Variants in CDH10 observed in about 807,000 individuals in gnomAD.
CDH10 encodes cadherin 10, also known as cadherin-10.
A neutral mutation model predicts 73.1 loss-of-function variants in CDH10; 30 were observed. That is an observed-to-expected ratio of 0.41 (90% CI 0.31 to 0.56). CDH10 has a LOEUF of 0.56. Ranked by LOEUF, CDH10 falls within the 20% of genes least tolerant of loss-of-function variation. CDH10 has a pLI of 0.27. For missense variants in CDH10, 815 were observed against 973.7 expected, an observed-to-expected ratio of 0.84 and a Z score of 2.17; for synonymous variants, 345 against 348.2, an observed-to-expected ratio of 0.99 and a Z score of 0.10.
chr5:24,527,294 T>A (rs11956328), intron 5 of CDH10, among the ~76,000 whole-genome samples: 50,959 of 147,242 alleles, frequency 0.35, 10,795 homozygotes, highest in Non-Finnish European at 0.48. Context: ...TAGTCTTATA[T>A]ATATTTATAT....
intron 2 of CDH10, among the ~76,000 whole-genome samples, chr5:24,553,149 T>C (rs1055919718): frequency 2.0e-5 from 3 of 152,200 alleles, no homozygotes; most frequent in African/African-American, 4.8e-5. Context: ...TTCTTCTTAA[T>C]ATTGCTATCA....
At chr5:24,579,655 GA>G (rs1745723440) in intron 2 of CDH10, among the ~76,000 whole-genome samples, 1 of 152,114 alleles carries the variant, frequency 6.6e-6, no homozygotes, top group Non-Finnish European at 1.5e-5. Context: ...AGCAGCTTTT[GA>G]CAAGGTTGAC....
chr5:24,550,789 TC>T (rs767677282), intron 2 of CDH10, among the ~76,000 whole-genome samples: 1 of 152,178 alleles, frequency 6.6e-6, no homozygotes. Context: ...ACTGAGTTTT[TC>T]TCCAACTTTA....
intron 5 of CDH10, among the ~76,000 whole-genome samples, chr5:24,528,412 C>G (rs1208344210): frequency 2.0e-5 from 3 of 151,906 alleles, no homozygotes; most frequent in African/African-American, 7.2e-5. Context: ...GAGGTTGACT[C>G]TATTTACAAA....
chr5:24,503,644 C>T (rs1175199194), intron 8 of CDH10, among the ~76,000 whole-genome samples: 1 of 152,136 alleles, frequency 6.6e-6, no homozygotes, highest in African/African-American at 2.4e-5. Context: ...TGTAAATTAG[C>T]TATGGAATTA....
At chr5:24,617,927 T>C (rs1176814648) in intron 1 of CDH10, among the ~76,000 whole-genome samples, 1 of 152,184 alleles carries the variant, frequency 6.6e-6, no homozygotes, top group Non-Finnish European at 1.5e-5. Context: ...TAAGGAATCT[T>C]AGCAATCAGT....
At chr5:24,555,824 C>A (rs561215403) in intron 2 of CDH10, among the ~76,000 whole-genome samples, 1 of 152,136 alleles carries the variant, frequency 6.6e-6, no homozygotes, top group East Asian at 1.9e-4. Context: ...TGTCTTCTAG[C>A]AAGGTTAACA....
At chr5:24,608,202 C>T (rs1746824555) in intron 1 of CDH10, among the ~76,000 whole-genome samples, 1 of 152,140 alleles carries the variant, frequency 6.6e-6, no homozygotes, top group Admixed American at 6.5e-5. Flanking sequence ...TTTCTGTTGG[C>T]AAATCGAGTC....
chr5:24,587,063 C>G (rs1300089400), intron 2 of CDH10, among the ~76,000 whole-genome samples: 1 of 151,694 alleles, frequency 6.6e-6, no homozygotes, highest in East Asian at 2.0e-4. Context: ...CCAGAATGGT[C>G]TCGATCTCCT....
chr5:24,535,888 C>A, intron 3 of CDH10, 66 bp from the exon 4 acceptor site: 1 of 1,229,522 alleles, frequency 8.1e-7, no homozygotes. Flanking sequence ...CACTGGTTTT[C>A]ATTGAAGACT....
intron 5 of CDH10, among the ~76,000 whole-genome samples, chr5:24,534,211 G>A (rs1743857205): frequency 6.6e-6 from 1 of 152,010 alleles, no homozygotes; most frequent in South Asian, 2.1e-4. Flanking sequence ...GGTATTTAAA[G>A]TAAATTACAA....
intron 1 of CDH10, among the ~76,000 whole-genome samples, chr5:24,608,396 G>A (rs1036171158): frequency 6.6e-6 from 1 of 151,998 alleles, no homozygotes; most frequent in African/African-American, 2.4e-5. Context: ...GGGTTCAAGC[G>A]ATTCTCCTGA....
chr5:24,493,651 G>GT (rs1406808871), intron 9 of CDH10, among the ~76,000 whole-genome samples: 1 of 151,544 alleles, frequency 6.6e-6, no homozygotes, highest in Non-Finnish European at 1.5e-5. Context: ...TAATAGGTAG[G>GT]TTTTTTTGCA....
chr5:24,501,299 A>G (rs1163116478), intron 8 of CDH10, among the ~76,000 whole-genome samples: 4 of 152,192 alleles, frequency 2.6e-5, no homozygotes, highest in African/African-American at 7.2e-5. Context: ...GTCTTTACAA[A>G]TAATTCAAGG....
intron 10 of CDH10, 66 bp downstream of exon 10, chr5:24,492,751 G>T: frequency 4.0e-6 from 3 of 758,200 alleles, no homozygotes; most frequent in Non-Finnish European, 7.3e-6. Context: ...ATATTGCAAT[G>T]GTTACACTCG....
At chr5:24,518,419 ATG>A (rs1382033676) in intron 5 of CDH10, among the ~76,000 whole-genome samples, 5 of 152,168 alleles carry the variant, frequency 3.3e-5, no homozygotes, top group Admixed American at 6.6e-5. Context: ...ATATTCACAT[ATG>A]TATATATGCA....
At chr5:24,615,895 G>A (rs1417227790) in intron 1 of CDH10, among the ~76,000 whole-genome samples, 1 of 152,150 alleles carries the variant, frequency 6.6e-6, no homozygotes, top group Non-Finnish European at 1.5e-5. Flanking sequence ...TCATTTCCCA[G>A]ATCCCTTGGC....
rs183576162 is a variant in CDH10 at position 24,527,489 on chromosome 5, A to C, written c.814+7623T>G. Reference sequence around the variant, plus strand: ...GATACGTTCTGAGAAATGCATTGTTAGATAATTTTGTTGTACAAACATCAC... The same window carrying C: ...GATACGTTCTGAGAAATGCATTGTTCGATAATTTTGTTGTACAAACATCAC... On this transcript the variant is annotated intron_variant, in intron 5 of 11. Coordinates refer to ENST00000264463, the MANE Select transcript of CDH10 (RefSeq NM_006727.5). 1.6e-4 allele frequency among the ~76,000 whole-genome samples: 24 copies of C among 151,794 alleles called. No individual in the cohort carries two copies. The East Asian group carries it at 1.9e-3, about 12-fold the overall frequency.
rs1184563390 is a variant in CDH10, at chr5:24,630,323, C to T, written c.-124+14271G>A. On this transcript the variant is annotated intron_variant, in intron 1 of 11. Coordinates refer to ENST00000264463, the MANE Select transcript of CDH10 (RefSeq NM_006727.5). ...AGCACTTTGTAATCCCAGCTGAGGC[C>T]GGCAGATCACTTGACGTCAGGAGTT... Among the ~76,000 whole-genome samples, 7 of 151,746 alleles carry T rather than the reference C, an allele frequency of 4.6e-5. No individual in the cohort carries two copies. In the East Asian group the frequency reaches 5.8e-4, roughly 13 times the overall value.
Sources: gnomAD v4.1 joint callset for allele counts (sites outside exome capture counted in the v4.1 genomes callset) on GRCh38, gnomAD v4.1.1 for gene constraint, MANE v1.5 for transcripts, NCBI Gene and HGNC (gene_info 2026-07-23, HGNC 2026-07-21) for gene names.